The following SAMSN1 variants were observed in gnomAD, a reference collection of about 807,000 sequenced individuals.
SAMSN1 encodes SAM domain-containing protein SAMSN-1.
A neutral mutation model predicts 42.0 loss-of-function variants in SAMSN1; 31 were observed. The ratio of observed to expected loss-of-function variants is 0.74; its 90% CI spans 0.55 to 1.00. The LOEUF (loss-of-function observed/expected upper bound fraction) is 1.00. Ranked by LOEUF, SAMSN1 falls within the 50% of genes least tolerant of loss-of-function variation. The pLI is 0.00. For missense variants in SAMSN1, 464 were observed against 439.4 expected (o/e 1.06, Z -0.50); for synonymous variants, 178 against 151.9 (o/e 1.17, Z -1.26).
chr21:14,506,168 G>A (rs1987391737), intron 5 of SAMSN1, among the ~76,000 whole-genome samples: 1 of 152,026 alleles, frequency 6.6e-6, no homozygotes, highest in Non-Finnish European at 1.5e-5. Flanking sequence ...CAAGGAACTA[G>A]AGAAACAAGA....
chr21:14,506,532 T>A (rs1469182646), intron 5 of SAMSN1, among the ~76,000 whole-genome samples: 1 of 152,056 alleles, frequency 6.6e-6, no homozygotes, highest in African/African-American at 2.4e-5. Flanking sequence ...TAACAATCAA[T>A]GATATTGAAA....
intron 4 of SAMSN1, among the ~76,000 whole-genome samples, chr21:14,610,034 G>T (rs988982590): frequency 3.3e-5 from 5 of 152,162 alleles, no homozygotes; most frequent in Admixed American, 2.6e-4. Context: ...TGTTTGTAGA[G>T]CATGTGTGTT....
At chr21:14,629,358 C>G (rs1983263943) in intron 2 of SAMSN1, among the ~76,000 whole-genome samples, 1 of 152,164 alleles carries the variant, frequency 6.6e-6, no homozygotes, top group Non-Finnish European at 1.5e-5. Context: ...TAAAAGCGGA[C>G]ACTTCAGGAA....
intron 7 of SAMSN1, chr21:14,591,309 A>G (rs1462366727): frequency 6.6e-6 from 1 of 152,214 alleles, no homozygotes. Context: ...ACATTTATTT[A>G]TTCATTTATC....
At chr21:14,574,793 C>A (rs902415321) in intron 2 of SAMSN1, among the ~76,000 whole-genome samples, 1 of 152,202 alleles carries the variant, frequency 6.6e-6, no homozygotes, top group South Asian at 2.1e-4. Context: ...TGATTTACTT[C>A]ATATTCAACC....
In SAMSN1 at chr21:14,589,892, C is replaced by A. The variant is rs458220; in HGVS notation, c.465+4121G>T. 2.7e-3 allele frequency among the ~76,000 whole-genome samples: 406 copies of A among 152,184 alleles called. 2 individuals carry two copies. The highest frequency in any genetic ancestry group is 4.6e-3 in the Non-Finnish European group (315 of 67,986). ...TATTCAAATAACAAATCCTAATAAC[C>A]TGATGTCTATCTCACATAATTTCTT... On this transcript the variant is annotated intron_variant, in intron 7 of 15. Transcript: ENST00000647101.
intron 4 of SAMSN1, 74 bp downstream of exon 4, chr21:14,512,365 CTGATT>C: frequency 6.8e-7 from 1 of 1,468,642 alleles, no homozygotes; most frequent in Non-Finnish European, 9.5e-7. Context: ...AACCTTGTGG[CTGATT>C]TAACTTGTTG....
rs1987257494 is a variant in SAMSN1, at chr21:14,503,334, G to A, written c.562-2599C>T. The stretch of plus-strand genomic sequence containing the variant: ...GGGCCTTGGCTGGTGGAATCTAGAG[G>A]CTTAGAATGGACTCCAGTTGATATC... On this transcript the variant is annotated intron_variant, in intron 5 of 7. Transcript: ENST00000400566. Among the ~76,000 whole-genome samples, 8 of 152,202 alleles carry A rather than the reference G, an allele frequency of 5.3e-5. No individual in the cohort carries two copies. In the South Asian group the frequency reaches 1.7e-3, roughly 32 times the overall value.
intron 3 of SAMSN1, among the ~76,000 whole-genome samples, chr21:14,613,265 T>C (rs1982756417): frequency 6.6e-6 from 1 of 152,192 alleles, no homozygotes; most frequent in Non-Finnish European, 1.5e-5. Flanking sequence ...ATGATGTAAA[T>C]TGTATATAAC....
intron 5 of SAMSN1, among the ~76,000 whole-genome samples, chr21:14,505,734 C>A (rs1168291386): frequency 2.0e-5 from 3 of 152,074 alleles, no homozygotes; most frequent in Middle Eastern, 3.4e-3. Context: ...TAAATTATAC[C>A]CTGGAACAAA....
upstream of SAMSN1, among the ~76,000 whole-genome samples, chr21:14,659,297 A>G (rs552658798): frequency 5.9e-5 from 9 of 152,040 alleles, no homozygotes; most frequent in Non-Finnish European, 8.8e-5. Context: ...GCATAAATCT[A>G]AAATGTACCA....
intron 6 of SAMSN1, chr21:14,594,831 A>T (rs759269349): frequency 1.3e-5 from 2 of 152,176 alleles, no homozygotes; most frequent in Non-Finnish European, 2.9e-5. Flanking sequence ...GTATTAGTCC[A>T]TTTTCACATT....
At chr21:14,490,296 T>C (rs1986629176) in intron 7 of SAMSN1, among the ~76,000 whole-genome samples, 1 of 152,182 alleles carries the variant, frequency 6.6e-6, no homozygotes, top group African/African-American at 2.4e-5. Context: ...AAAAGGAATT[T>C]TGTTAAAATT....
chr21:14,622,354 A>G (rs1983036647), intron 2 of SAMSN1, among the ~76,000 whole-genome samples: 1 of 152,216 alleles, frequency 6.6e-6, no homozygotes, highest in African/African-American at 2.4e-5. Context: ...AACCCACCGC[A>G]AAGAAGCTAA....
intron 2 of SAMSN1, among the ~76,000 whole-genome samples, chr21:14,617,169 G>C (rs1486322362): frequency 6.6e-6 from 1 of 152,126 alleles, no homozygotes; most frequent in African/African-American, 2.4e-5. Context: ...GGTGGATGGG[G>C]GTTGTAAGTA....
At chr21:14,576,976 T>G (rs1278915848) in intron 2 of SAMSN1, among the ~76,000 whole-genome samples, 4 of 151,110 alleles carry the variant, frequency 2.6e-5, no homozygotes, top group African/African-American at 9.7e-5. Context: ...AAAATGGGTT[T>G]GAAAATATTT....
chr21:14,500,753 C>T lies in SAMSN1; in HGVS notation c.562-18G>A, dbSNP rs777425592. On this transcript the variant is annotated intron_variant, in intron 5 of 7. Transcript: ENST00000400566. ...TCTCCTTTCTAAGGGCAAAGAAATC[C>T]ATACACATTAGATTTCAGAGAACCT... 1.3e-6 allele frequency: 2 copies of T among 1,567,804 alleles called. No homozygotes were observed. Among genetic ancestry groups the T allele is most frequent in the Non-Finnish European group, 1.8e-6 (2 of 1,138,758 alleles).
At chr21:14,632,287 C>T (rs1057157784) in intron 2 of SAMSN1, among the ~76,000 whole-genome samples, 5 of 151,746 alleles carry the variant, frequency 3.3e-5, no homozygotes, top group Non-Finnish European at 7.4e-5. Flanking sequence ...TTTTGAGTTC[C>T]CAATAATTCT....
At chr21:14,579,652 TTTTTTTTTTTTTG>T (rs1328061059) in intron 2 of SAMSN1, among the ~76,000 whole-genome samples, 3 of 125,862 alleles carry the variant, frequency 2.4e-5, no homozygotes, top group African/African-American at 8.6e-5. Context: ...TTTTTTTTTT[TTTTTTTTTTTTTG>T]GAGGCAGGGT....
Sources: allele counts gnomAD v4.1 joint callset (sites outside exome capture counted in the v4.1 genomes callset), GRCh38; gene constraint gnomAD v4.1.1; transcripts MANE v1.5; gene names NCBI Gene and HGNC (gene_info 2026-07-23, HGNC 2026-07-21).